PER3: variants seen among roughly 807,000 people sequenced by gnomAD.
PER3 encodes period circadian regulator 3, also known as period circadian protein homolog 3.
A neutral mutation model predicts 127.2 loss-of-function variants in PER3; 107 were observed. The observed-to-expected ratio is 0.84, with a 90% CI of 0.72 to 0.99. PER3 has a LOEUF of 0.99. Ranked by LOEUF, PER3 falls within the 50% of genes least tolerant of loss-of-function variation. The pLI, the probability that PER3 is intolerant of heterozygous loss-of-function variation, is 0.00. For missense variants in PER3, 1,560 were observed against 1,525.8 expected (o/e 1.02, Z -0.37); for synonymous variants, 618 against 585.8 (o/e 1.05, Z -0.79).
At position 7,827,674 on chromosome 1, in the gene PER3, G is replaced by A. The variant is rs1335064691; in HGVS notation, c.2745G>A (p.Trp915Ter). 8 of 1,614,018 alleles carry A rather than the reference G, an allele frequency of 5.0e-6. No individual in the cohort carries two copies. Among genetic ancestry groups the A allele is most frequent in the African/African-American group, 1.3e-5 (1 of 74,890 alleles). ...VTSQRREEEK[W>*]EAQSEGHPFI... ...GCCAAAGGAGAGAGGAGGAAAAGTG[G>A]GAGGCACAAAGCGAGGGGCACCCGT... The change falls in exon 18 of 22, where the codon TGG becomes TGA. Residue 915 changes from tryptophan (W) to a stop codon, truncating the protein, a stop_gained. Coordinates refer to ENST00000377532, the MANE Select transcript of PER3 (RefSeq NM_001377275.1). LOFTEE classifies it high-confidence loss of function.
chr1:7,826,969 T>C lies in PER3; in HGVS notation c.2189-149T>C. On this transcript the variant is annotated intron_variant, in intron 17 of 21. Transcript: ENST00000377532. This position sits in a 1 kb window ranked among gnomAD's most constrained non-coding sequence, Gnocchi z 4.2. Reference sequence around the variant, plus strand: ...ATAGCAACTATTTTTATCCGGAATTTTGTTCATCTTTTTAGAGCCACTTTT... The same window carrying C: ...ATAGCAACTATTTTTATCCGGAATTCTGTTCATCTTTTTAGAGCCACTTTT... 1 of 657,624 alleles carries C rather than the reference T, an allele frequency of 1.5e-6. No individual in the cohort carries two copies. The highest frequency in any genetic ancestry group is 2.6e-6 in the Non-Finnish European group (1 of 383,792). 40.7% of individuals were successfully genotyped at this position (657,624 alleles called of 1,614,324 possible). A position where few individuals can be genotyped will look rare whatever the true frequency, so the allele number is the denominator to read the frequency against.
chr1:7,796,481 A>T (rs2097146187), intron 6 of PER3, among the ~76,000 whole-genome samples: 1 of 151,710 alleles, frequency 6.6e-6, no homozygotes, highest in African/African-American at 2.4e-5. Context: ...GCCACAGCTA[A>T]TTTTTATATT....
At chr1:7,836,894 A>G (rs1055002072) in intron 20 of PER3, 105 bp from the exon 21 acceptor site, 1 of 761,950 alleles carries the variant, frequency 1.3e-6, no homozygotes, top group Admixed American at 2.7e-5. Flanking sequence ...GTGTTAGAAA[A>G]TGTAAGGTGT....
chr1:7,797,625 G>T (rs1400159756), intron 6 of PER3, among the ~76,000 whole-genome samples: 3 of 147,124 alleles, frequency 2.0e-5, no homozygotes, highest in Non-Finnish European at 3.0e-5. Flanking sequence ...AACAGAGCGA[G>T]ACTCCGTCTT....
intron 9 of PER3, 54 bp downstream of exon 9, chr1:7,803,207 T>C: frequency 1.8e-6 from 2 of 1,104,434 alleles, no homozygotes; most frequent in Non-Finnish European, 2.8e-6. Context: ...TGATTTGTTC[T>C]AATTTTTCTT....
chr1:7,791,056 C>T (rs187622428), intron 5 of PER3, among the ~76,000 whole-genome samples: 75 of 152,306 alleles, frequency 4.9e-4, no homozygotes, highest in Non-Finnish European at 5.9e-4. Context: ...TTTGGTGGAT[C>T]TACCATTCTT....
In PER3 at chr1:7,810,556, C is replaced by A; in HGVS notation, c.1490C>A (p.Pro497Gln). ...CCAGTGACGGGGACACGCACAGAAC[C>A]GAATGGTGGTGGTGAGTCAGCGAAT... The part of the protein sequence containing the change: ...FKPVTGTRTE[P>Q]NGGGESANGG... The change falls in exon 13 of 22, where the codon CCG (proline) becomes CAG (glutamine). Residue 497 changes from proline to glutamine, a missense_variant. Pro to Gln is a moderately conservative substitution (Grantham distance 76). Around this residue, in one of 3 missense-constraint regions of PER3, gnomAD observed 1,332 missense variants for 1,223.6 expected, o/e 1.09. Transcript: ENST00000377532. The A allele has an allele frequency of 6.2e-7, 1 of 1,612,146 alleles. No individual in the cohort carries two copies. The highest frequency in any genetic ancestry group is 8.5e-7 in the Non-Finnish European group (1 of 1,179,266).
rs1426623132 is a variant in PER3 at position 7,826,201 on chromosome 1, G to T, written c.1958-279G>T. On this transcript the variant is annotated intron_variant, in intron 16 of 21. Transcript: ENST00000377532. The surrounding 1 kb of genome is among the most constrained non-coding windows in gnomAD (Gnocchi z 4.2). ...AAGTTCAAAGATAAAAAGAAATTTT[G>T]AAGAATTCAGGGAGAGAGAAAAATG... Among the ~76,000 whole-genome samples, 2 of 152,132 alleles carry T rather than the reference G, an allele frequency of 1.3e-5. No individual in the cohort carries two copies. The highest frequency in any genetic ancestry group is 4.8e-5 in the African/African-American group (2 of 41,418).
At chr1:7,840,413 A>G (rs945809969) in intron 21 of PER3, among the ~76,000 whole-genome samples, 2 of 138,100 alleles carry the variant, frequency 1.4e-5, no homozygotes, top group African/African-American at 5.5e-5. Flanking sequence ...CTGCAGCCTC[A>G]GTCTCCTGGG....
intron 6 of PER3, among the ~76,000 whole-genome samples, chr1:7,797,447 G>T (rs1224350217): frequency 6.6e-6 from 1 of 151,918 alleles, no homozygotes; most frequent in Non-Finnish European, 1.5e-5. Context: ...CCAGCCTGAC[G>T]AACATGGTGA....
At chr1:7,799,473 G>A (rs761855541) in intron 7 of PER3, among the ~76,000 whole-genome samples, 1 of 152,064 alleles carries the variant, frequency 6.6e-6, no homozygotes, top group Non-Finnish European at 1.5e-5. Flanking sequence ...GTGTGGTGGC[G>A]TGTGCCTGTA....
intron 13 of PER3, among the ~76,000 whole-genome samples, chr1:7,814,256 CAAGT>C (rs1182567622): frequency 1.3e-5 from 2 of 152,204 alleles, no homozygotes; most frequent in East Asian, 3.9e-4. Flanking sequence ...CAAAGACCAT[CAAGT>C]AAGTTAAATA....
intron 2 of PER3, 67 bp downstream of exon 2, chr1:7,785,072 G>C (rs946469331): frequency 6.6e-7 from 1 of 1,506,044 alleles, no homozygotes; most frequent in African/African-American, 1.4e-5. Context: ...AGGGAAAGGG[G>C]GACCTAAATC....
chr1:7,826,130 C>G lies in PER3; in HGVS notation c.1958-350C>G, dbSNP rs1207246156. ...AATTTACTACATGTCTTTATTAATA[C>G]TTCCTGATTTTTGAACCACATGAAT... is the stretch of plus-strand genomic sequence containing the variant. On this transcript the variant is annotated intron_variant, in intron 16 of 21. Coordinates refer to ENST00000377532, the MANE Select transcript of PER3 (RefSeq NM_001377275.1). The surrounding 1 kb of genome is among the most constrained non-coding windows in gnomAD (Gnocchi z 4.2). Among the ~76,000 whole-genome samples, 1 of 152,098 alleles carries G rather than the reference C, an allele frequency of 6.6e-6. No individual in the cohort carries two copies. Among genetic ancestry groups the G allele is most frequent in the African/African-American group, 2.4e-5 (1 of 41,400 alleles).
intron 13 of PER3, among the ~76,000 whole-genome samples, chr1:7,813,037 AT>A (rs2150909270): frequency 6.6e-6 from 1 of 152,368 alleles, no homozygotes; most frequent in East Asian, 1.9e-4. Flanking sequence ...TTTAAAATTT[AT>A]ATTTATCTTT....
intron 19 of PER3, among the ~76,000 whole-genome samples, chr1:7,832,603 G>A (rs557616212): frequency 6.6e-6 from 1 of 151,936 alleles, no homozygotes; most frequent in East Asian, 1.9e-4. Flanking sequence ...TTGAACTCCT[G>A]ATCTCATGAT....
chr1:7,809,303 A>G (rs2097209013), intron 11 of PER3, among the ~76,000 whole-genome samples: 1 of 152,196 alleles, frequency 6.6e-6, no homozygotes, highest in Non-Finnish European at 1.5e-5. Context: ...GGATTTTTAA[A>G]ATAATTTCAG....
At chr1:7,795,984 G>T (rs1343559914) in intron 6 of PER3, among the ~76,000 whole-genome samples, 1 of 152,184 alleles carries the variant, frequency 6.6e-6, no homozygotes, top group Non-Finnish European at 1.5e-5. Flanking sequence ...TCTAAGAGAG[G>T]AAGTTCTCAT....
intron 13 of PER3, among the ~76,000 whole-genome samples, chr1:7,812,624 C>CAA (rs35962033): frequency 5.6e-4 from 48 of 85,374 alleles, no homozygotes; most frequent in East Asian, 1.8e-3. Flanking sequence ...GACTCCGTCT[C>CAA]AAAAAAAAAA....
Sources: gnomAD v4.1 joint callset for allele counts (sites outside exome capture counted in the v4.1 genomes callset) on GRCh38, gnomAD v4.1.1 for gene constraint, gnomAD v4.1.1 regional missense constraint, Gnocchi (gnomAD v3.1) non-coding constraint, MANE v1.5 for transcripts, NCBI Gene and HGNC (gene_info 2026-07-23, HGNC 2026-07-21) for gene names.